The following WDR7 variants were observed in gnomAD, a reference collection of about 807,000 sequenced individuals.
WDR7 encodes the protein WD repeat domain 7.
Under a neutral mutation model 169.4 loss-of-function variants are expected in WDR7, and 46 were observed. The observed-to-expected ratio is 0.27, with a 90% CI of 0.21 to 0.35. The LOEUF is 0.35. Among genes scored for constraint, WDR7 ranks in the 10% least tolerant of loss-of-function variants. The pLI is 1.00. For missense variants in WDR7, 1,534 were observed against 1,859.3 expected, an observed-to-expected ratio of 0.83 and a Z score of 3.22; for synonymous variants, 612 against 666.8, an observed-to-expected ratio of 0.92 and a Z score of 1.27.
chr18:56,679,411 A>C lies in WDR7; in HGVS notation c.239A>C (p.Gln80Pro). The change falls in exon 3 of 28, where the codon CAG becomes CCG. Residue 80 changes from glutamine to proline, a missense_variant. Transcript: ENST00000254442. The part of the protein sequence containing the change: ...LSKACASSDK[Q>P]YIVSASESGE... ...AAAGCTTGTGCTTCCAGTGACAAACAGTATATTGTGAGTGCATCTGAAAGT... is the reference window on the plus strand; with the variant it reads ...AAAGCTTGTGCTTCCAGTGACAAACCGTATATTGTGAGTGCATCTGAAAGT... The C allele has an allele frequency of 6.2e-7, 1 of 1,611,836 alleles. No homozygotes were observed. Among genetic ancestry groups the C allele is most frequent in the South Asian group, 1.1e-5 (1 of 90,966 alleles).
At chr18:57,004,338 A>G (rs2048025484) in intron 26 of WDR7, among the ~76,000 whole-genome samples, 1 of 152,152 alleles carries the variant, frequency 6.6e-6, no homozygotes, top group African/African-American at 2.4e-5. Flanking sequence ...TGGTGTCTAC[A>G]GTAGACAATT....
At chr18:56,821,339 G>A (rs1487961666) in intron 20 of WDR7, among the ~76,000 whole-genome samples, 1 of 152,154 alleles carries the variant, frequency 6.6e-6, no homozygotes, top group African/African-American at 2.4e-5. Context: ...CTTTGAAGTA[G>A]ATACTAATAT....
chr18:56,663,017 G>T (rs1049322342), intron 1 of WDR7, among the ~76,000 whole-genome samples: 2 of 152,180 alleles, frequency 1.3e-5, no homozygotes, highest in African/African-American at 2.4e-5. Context: ...AGGTCAGAAG[G>T]TTTATTTTCT....
chr18:56,848,834 A>G (rs1190030064), intron 20 of WDR7, among the ~76,000 whole-genome samples: 2 of 152,178 alleles, frequency 1.3e-5, no homozygotes, highest in African/African-American at 4.8e-5. Flanking sequence ...CCAAAAGCCA[A>G]GAAGATGCTG....
chr18:56,743,012 T>A (rs1390316895), intron 14 of WDR7, among the ~76,000 whole-genome samples: 2 of 152,172 alleles, frequency 1.3e-5, no homozygotes, highest in Non-Finnish European at 2.9e-5. Context: ...GTAAAACAGA[T>A]AATAGGTAAT....
intron 21 of WDR7, among the ~76,000 whole-genome samples, chr18:56,907,024 A>G (rs2046487511): frequency 6.6e-6 from 1 of 152,196 alleles, no homozygotes; most frequent in Admixed American, 6.5e-5. Flanking sequence ...CTCAATACCA[A>G]CCAGGGTTAG....
chr18:56,673,833 A>C (rs911127321), intron 2 of WDR7, among the ~76,000 whole-genome samples: 36 of 152,140 alleles, frequency 2.4e-4, no homozygotes, highest in Admixed American at 5.9e-4. Flanking sequence ...TCCAAAAAAA[A>C]AAAAGTCACT....
chr18:56,756,556 A>G (rs1390657928), intron 14 of WDR7, 27 bp from the exon 15 acceptor site: 8 of 1,506,850 alleles, frequency 5.3e-6, no homozygotes, highest in Admixed American at 2.2e-5. Context: ...TTTAATTATA[A>G]CTATCTTTTA....
chr18:56,913,133 C>T (rs973957996), intron 21 of WDR7, among the ~76,000 whole-genome samples: 3 of 152,032 alleles, frequency 2.0e-5, no homozygotes, highest in Admixed American at 6.6e-5. Context: ...CTCAGGCTCT[C>T]GAAGTGCTGG....
chr18:56,686,724 C>T (rs2025451092), intron 6 of WDR7, 131 bp from the exon 7 acceptor site: 1 of 742,168 alleles, frequency 1.3e-6, no homozygotes. Context: ...TACCGTGGCG[C>T]TTACCTGAGG....
intron 20 of WDR7, among the ~76,000 whole-genome samples, chr18:56,819,523 A>G (rs2045047801): frequency 6.6e-6 from 1 of 152,170 alleles, no homozygotes; most frequent in Admixed American, 6.6e-5. Context: ...CTTTAACCAT[A>G]GGTTTTAAAT....
At chr18:57,009,485 G>A (rs1034944600) in intron 26 of WDR7, among the ~76,000 whole-genome samples, 2 of 152,246 alleles carry the variant, frequency 1.3e-5, no homozygotes, top group East Asian at 1.9e-4. Context: ...ACCTTGTAAT[G>A]CAGAACAACA....
At chr18:56,954,694 G>C (rs1001841170) in intron 25 of WDR7, among the ~76,000 whole-genome samples, 1 of 152,052 alleles carries the variant, frequency 6.6e-6, no homozygotes, top group African/African-American at 2.4e-5. Flanking sequence ...TTTTCAATGA[G>C]TGTGTGTTTC....
At chr18:56,851,001 C>T (rs534140037) in intron 20 of WDR7, among the ~76,000 whole-genome samples, 1 of 152,282 alleles carries the variant, frequency 6.6e-6, no homozygotes, top group African/African-American at 2.4e-5. Context: ...TTTCTGCTCT[C>T]CATTCCTGCA....
intron 1 of WDR7, among the ~76,000 whole-genome samples, chr18:56,652,124 T>C (rs1003536305): frequency 6.6e-6 from 1 of 152,200 alleles, no homozygotes; most frequent in Non-Finnish European, 1.5e-5. Flanking sequence ...CCCAGCGTTC[T>C]GAAGCTATGT....
At chr18:56,778,881 T>C (rs1487233075) in intron 17 of WDR7, among the ~76,000 whole-genome samples, 1 of 152,216 alleles carries the variant, frequency 6.6e-6, no homozygotes, top group Non-Finnish European at 1.5e-5. Flanking sequence ...AAATATTAGA[T>C]ATTATGGTTA....
At chr18:56,817,423 T>C (rs1474956147) in intron 20 of WDR7, among the ~76,000 whole-genome samples, 1 of 150,626 alleles carries the variant, frequency 6.6e-6, no homozygotes, top group Non-Finnish European at 1.5e-5. Context: ...CCGTGATAGG[T>C]AGGTTACTGT....
intron 26 of WDR7, among the ~76,000 whole-genome samples, chr18:56,994,778 C>T (rs76637667): frequency 0.038 from 5,718 of 152,298 alleles, 131 homozygotes; most frequent in Non-Finnish European, 0.053. Flanking sequence ...AGCACACATT[C>T]AGTCTTTCAA....
At chr18:56,963,187 C>T (rs542281064) in intron 26 of WDR7, among the ~76,000 whole-genome samples, 1 of 152,166 alleles carries the variant, frequency 6.6e-6, no homozygotes, top group South Asian at 2.1e-4. Flanking sequence ...TGAAACATAG[C>T]CTTAAATCAC....
Sources: gnomAD v4.1 joint callset for allele counts (sites outside exome capture counted in the v4.1 genomes callset) on GRCh38, gnomAD v4.1.1 for gene constraint, MANE v1.5 for transcripts, NCBI Gene and HGNC (gene_info 2026-07-23, HGNC 2026-07-21) for gene names.